The following SHPK variants were observed in gnomAD, a reference collection of about 807,000 sequenced individuals.
SHPK encodes sedoheptulokinase.
A neutral mutation model predicts 46.3 loss-of-function variants in SHPK; 51 were observed. The observed-to-expected ratio is 1.10, with a 90% CI of 0.88 to 1.39. The LOEUF (loss-of-function observed/expected upper bound fraction) is 1.39, where lower values mean the gene tolerates loss of function less well. Among genes scored for constraint, SHPK ranks in the 40% most tolerant of loss-of-function variants. The probability of loss-of-function intolerance (pLI) is 0.00; values close to 1 mark genes in which losing one functional copy is unlikely to be tolerated. For synonymous variants in SHPK, 290 were observed against 273.9 expected (o/e 1.06, Z -0.58); for missense variants, 668 against 641.3 (o/e 1.04, Z -0.45).
intron 2 of SHPK, among the ~76,000 whole-genome samples, chr17:3,626,010 A>G (rs559625743): frequency 3.9e-5 from 6 of 152,182 alleles, no homozygotes; most frequent in Admixed American, 1.3e-4. Flanking sequence ...CTGAGATCGC[A>G]CCACTGCACT....
chr17:3,629,009 C>G (rs1419052142), intron 2 of SHPK, among the ~76,000 whole-genome samples: 1 of 152,078 alleles, frequency 6.6e-6, no homozygotes, highest in African/African-American at 2.4e-5. Flanking sequence ...CCTGCAGGAG[C>G]CTCATCCTTG....
intron 6 of SHPK, among the ~76,000 whole-genome samples, chr17:3,614,310 G>A (rs1474837108): frequency 6.7e-6 from 1 of 149,760 alleles, no homozygotes; most frequent in Non-Finnish European, 1.5e-5. Context: ...GGATCACAAG[G>A]TCAGGAGATT....
intron 3 of SHPK, 87 bp from the exon 4 acceptor site, chr17:3,623,578 C>G: frequency 7.2e-7 from 1 of 1,388,552 alleles, no homozygotes; most frequent in Admixed American, 1.7e-5. Context: ...CAGGGACCAG[C>G]TGTGCCATGG....
intron 2 of SHPK, among the ~76,000 whole-genome samples, chr17:3,629,499 C>T (rs1285289846): frequency 6.6e-6 from 1 of 151,872 alleles, no homozygotes; most frequent in African/African-American, 2.4e-5. Context: ...GGGAGGCTGC[C>T]GGTGGATCAT....
intron 1 of SHPK, among the ~76,000 whole-genome samples, chr17:3,633,415 GA>G (rs2075485367): frequency 6.6e-6 from 1 of 151,254 alleles, no homozygotes; most frequent in Non-Finnish European, 1.5e-5. Context: ...TAGTGGGCCA[GA>G]GATGTTGCTA....
intron 1 of SHPK, among the ~76,000 whole-genome samples, chr17:3,632,971 CTT>C (rs34873037): frequency 0.19 from 15,669 of 82,234 alleles, 1,096 homozygotes; most frequent in East Asian, 0.43. Flanking sequence ...GCAGATATTA[CTT>C]TTTTTTTTTT....
At chr17:3,616,539 G>A (rs774349467) in intron 5 of SHPK, among the ~76,000 whole-genome samples, 13 of 152,132 alleles carry the variant, frequency 8.5e-5, no homozygotes, top group Non-Finnish European at 1.9e-4. Context: ...TCAGAATCCT[G>A]ACCCTCAGAA....
intron 5 of SHPK, chr17:3,619,880 C>T (rs781175957): frequency 1.5e-5 from 4 of 273,862 alleles, no homozygotes; most frequent in South Asian, 4.5e-5. Flanking sequence ...AACATGGCCA[C>T]GAGCCCTGGG....
intron 1 of SHPK, among the ~76,000 whole-genome samples, chr17:3,634,245 A>AATC (rs2075491820): frequency 6.7e-6 from 1 of 149,418 alleles, no homozygotes; most frequent in African/African-American, 2.5e-5. Context: ...CTCTGCGAGA[A>AATC]ACACCCAAGA....
intron 2 of SHPK, among the ~76,000 whole-genome samples, chr17:3,626,525 G>C (rs935772320): frequency 6.6e-6 from 1 of 151,948 alleles, no homozygotes; most frequent in Non-Finnish European, 1.5e-5. Context: ...AGGCCAGCCT[G>C]GCCAACATGG....
intron 5 of SHPK, among the ~76,000 whole-genome samples, chr17:3,617,460 A>C (rs138837306): frequency 6.6e-6 from 1 of 152,202 alleles, no homozygotes; most frequent in Admixed American, 6.5e-5. Flanking sequence ...CAGGTGTCCA[A>C]CTGGGTCAGA....
chr17:3,624,978 A>T (rs777361902), intron 2 of SHPK, among the ~76,000 whole-genome samples: 2 of 148,840 alleles, frequency 1.3e-5, no homozygotes, highest in Non-Finnish European at 3.0e-5. Context: ...AGACATCCAA[A>T]TTTACTTTAA....
intron 1 of SHPK, among the ~76,000 whole-genome samples, chr17:3,635,239 A>AAGGAAGGG (rs2075508253): frequency 7.4e-6 from 1 of 135,592 alleles, no homozygotes; most frequent in Admixed American, 7.7e-5. Flanking sequence ...GGAAGGAAGG[A>AAGGAAGGG]AGGAAGGGAA....
chr17:3,622,682 G>A, intron 4 of SHPK: 1 of 526,158 alleles, frequency 1.9e-6, no homozygotes, highest in Non-Finnish European at 2.4e-6. Context: ...CATCCTTCAA[G>A]CCTACTATCT....
chr17:3,621,182 G>A, intron 5 of SHPK, 55 bp downstream of exon 5: 1 of 1,448,436 alleles, frequency 6.9e-7, no homozygotes, highest in Non-Finnish European at 9.3e-7. Context: ...CAGAGCTGGT[G>A]CTTATGAGGC....
At chr17:3,628,919 TGGGATTTACAGGTGTGAGCCACCATGCCC>T (rs1156851089) in intron 2 of SHPK, among the ~76,000 whole-genome samples, 2 of 152,134 alleles carry the variant, frequency 1.3e-5, no homozygotes, top group Non-Finnish European at 2.9e-5. Flanking sequence ...CCCAAAGTGT[TGGGATTTACAGGTGTGAGCCACCATGCCC>T]GGCCTTAAAA....
In SHPK at chr17:3,636,249, G is replaced by A. The variant is rs778097611; in HGVS notation, c.-30C>T. Reference sequence around the variant, plus strand: ...TCCCTGACCCGCGCAGCTCCAGTCTGCAGCCAGCGGCCCCACAAGTCCGCG... The same window carrying A: ...TCCCTGACCCGCGCAGCTCCAGTCTACAGCCAGCGGCCCCACAAGTCCGCG... On this transcript the variant is annotated 5_prime_UTR_variant, in exon 1 of 7. Transcript: ENST00000225519. 6.4e-7 allele frequency: 1 copy of A among 1,571,716 alleles called. No individual in the cohort carries two copies. Among genetic ancestry groups the A allele is most frequent in the Non-Finnish European group, 8.7e-7 (1 of 1,155,078 alleles).
At chr17:3,632,971 CTTTTTT>C (rs34873037) in intron 1 of SHPK, among the ~76,000 whole-genome samples, 869 of 81,768 alleles carry the variant, frequency 0.011, 8 homozygotes, top group African/African-American at 0.034. Context: ...GCAGATATTA[CTTTTTT>C]TTTTTTTTTT....
intron 6 of SHPK, among the ~76,000 whole-genome samples, chr17:3,614,385 T>C (rs1417014002): frequency 2.0e-5 from 3 of 151,086 alleles, no homozygotes; most frequent in Non-Finnish European, 4.4e-5. Context: ...ATTAGCTGGG[T>C]GTGGTGGCGG....
Sources: gnomAD v4.1 joint callset for allele counts (sites outside exome capture counted in the v4.1 genomes callset) on GRCh38, gnomAD v4.1.1 for gene constraint, MANE v1.5 for transcripts, NCBI Gene and HGNC (gene_info 2026-07-23, HGNC 2026-07-21) for gene names.